Variants in ZC4H2 observed in about 807,000 individuals in gnomAD.
The protein encoded by ZC4H2 is zinc finger C4H2 domain-containing protein.
For missense variants in ZC4H2, 137 were observed against 173.9 expected, an observed-to-expected ratio of 0.79 and a Z score of 1.19; for synonymous variants, 84 against 66.3, an observed-to-expected ratio of 1.27 and a Z score of -1.30.
chrX:64,921,914 C>A lies in ZC4H2; in HGVS notation c.128G>T (p.Arg43Met). ...AEFEALESEE[R>M]HLKEYKQEMD... ...CTCCTGCTTGTATTCCTTCAGGTGC[C>A]TTTCCTCTGACTCAAGTGCCTCAAA... The change falls in exon 2 of 5, where the codon AGG becomes ATG. Residue 43 changes from arginine (R) to methionine (M), a missense_variant. By Grantham distance (91) the Arg-to-Met change is moderately conservative. Coordinates refer to ENST00000374839, the MANE Select transcript of ZC4H2 (RefSeq NM_018684.4). 8.3e-7 allele frequency: 1 copy of A among 1,211,044 alleles called. No homozygotes were observed. The highest frequency in any genetic ancestry group is 1.1e-6 in the Non-Finnish European group (1 of 895,424).
intron 1 of ZC4H2, among the ~76,000 whole-genome samples, chrX:64,926,193 G>A (rs1331051218): frequency 9.0e-6 from 1 of 111,222 alleles, no homozygotes; most frequent in African/African-American, 3.3e-5. Context: ...AGTCTACCCT[G>A]GGGTGAAGAC....
chrX:64,969,229 C>T (rs371189026), intron 1 of ZC4H2, among the ~76,000 whole-genome samples: 1 of 111,976 alleles, frequency 8.9e-6, no homozygotes, highest in South Asian at 3.7e-4. Flanking sequence ...ATAAAACATT[C>T]AGCTGGATAC....
intron 1 of ZC4H2, among the ~76,000 whole-genome samples, chrX:64,982,054 G>T (rs1932092904): frequency 9.0e-6 from 1 of 111,363 alleles, no homozygotes; most frequent in Non-Finnish European, 1.9e-5. Context: ...GGAAGTAGGG[G>T]AGTCCCATTT....
chrX:64,936,705 T>G (rs1198704115), intron 1 of ZC4H2, among the ~76,000 whole-genome samples: 1 of 111,359 alleles, frequency 9.0e-6, no homozygotes, highest in South Asian at 3.8e-4. Flanking sequence ...AAAAAATCCT[T>G]TACAGACAAG....
chrX:65,016,381 G>A (rs1009085456), intron 1 of ZC4H2, among the ~76,000 whole-genome samples: 4 of 111,702 alleles, frequency 3.6e-5, no homozygotes, highest in East Asian at 2.8e-4. Context: ...TGATTGGCCC[G>A]CCTGAAATAA....
At chrX:64,979,146 A>T (rs1418426826), upstream of ZC4H2, among the ~76,000 whole-genome samples, 1 of 112,062 alleles carries the variant, frequency 8.9e-6, no homozygotes, top group Non-Finnish European at 1.9e-5. Flanking sequence ...GACTTGTCTG[A>T]CATCACCCTA....
At chrX:64,951,133 A>C (rs1202522184) in intron 1 of ZC4H2, among the ~76,000 whole-genome samples, 2 of 112,041 alleles carry the variant, frequency 1.8e-5, no homozygotes, top group Non-Finnish European at 3.8e-5. Context: ...AAAGGAAATG[A>C]ACTCATCATT....
intron 1 of ZC4H2, among the ~76,000 whole-genome samples, chrX:65,027,778 G>A (rs1932894281): frequency 8.9e-6 from 1 of 111,868 alleles, no homozygotes; most frequent in Admixed American, 9.4e-5. Flanking sequence ...AGGGTTTCAT[G>A]TGTCCTTTAT....
chrX:64,982,556 G>A (rs1021015774), intron 1 of ZC4H2, among the ~76,000 whole-genome samples: 2 of 112,230 alleles, frequency 1.8e-5, no homozygotes, highest in African/African-American at 6.5e-5. Context: ...AATAGAAACA[G>A]GAGAGAAGCA....
chrX:64,974,630 C>T (rs753654873), intron 1 of ZC4H2, among the ~76,000 whole-genome samples: 1 of 111,634 alleles, frequency 9.0e-6, no homozygotes, highest in Admixed American at 9.5e-5. Context: ...CTGTTTGTTA[C>T]TGCTGTTTAG....
upstream of ZC4H2, among the ~76,000 whole-genome samples, chrX:64,979,515 G>A (rs1278435038): frequency 1.8e-5 from 2 of 112,508 alleles, no homozygotes; most frequent in African/African-American, 6.5e-5. Context: ...CTTGAGAACA[G>A]ATGTCTCACC....
At chrX:64,944,714 C>T (rs7058494) in intron 1 of ZC4H2, among the ~76,000 whole-genome samples, 9,212 of 111,237 alleles carry the variant, frequency 0.083, 1,028 homozygotes, top group African/African-American at 0.29. Context: ...TTTAGGTACA[C>T]CAGTCAATCA....
At chrX:64,926,909 A>G (rs1056797858) in intron 1 of ZC4H2, among the ~76,000 whole-genome samples, 1 of 111,701 alleles carries the variant, frequency 9.0e-6, no homozygotes, top group African/African-American at 3.3e-5. Context: ...TGGTACAGGT[A>G]GAGGCCTAGG....
intron 1 of ZC4H2, among the ~76,000 whole-genome samples, chrX:64,960,733 A>C (rs933433988): frequency 8.9e-6 from 1 of 112,332 alleles, no homozygotes; most frequent in Admixed American, 9.4e-5. Flanking sequence ...ACAAATAAGC[A>C]GGAAAAATAT....
intron 1 of ZC4H2, among the ~76,000 whole-genome samples, chrX:64,998,627 C>A (rs1932464854): frequency 9.0e-6 from 1 of 111,275 alleles, no homozygotes; most frequent in Admixed American, 9.5e-5. Flanking sequence ...CATGTTAGAT[C>A]TAGTTTGTTG....
At chrX:64,939,787 T>A (rs1930182597) in intron 1 of ZC4H2, among the ~76,000 whole-genome samples, 1 of 111,990 alleles carries the variant, frequency 8.9e-6, no homozygotes, top group African/African-American at 3.2e-5. Flanking sequence ...TTACTCAAGA[T>A]GGATGAAAGA....
chrX:65,004,267 A>C (rs1486388668), intron 1 of ZC4H2, among the ~76,000 whole-genome samples: 1 of 112,011 alleles, frequency 8.9e-6, no homozygotes, highest in Non-Finnish European at 1.9e-5. Context: ...AACCTGGCAC[A>C]GACATAAGAA....
chrX:64,924,570 A>G (rs1489693358), intron 1 of ZC4H2, among the ~76,000 whole-genome samples: 1 of 111,587 alleles, frequency 9.0e-6, no homozygotes, highest in Non-Finnish European at 1.9e-5. Flanking sequence ...GACCTAACAT[A>G]GTCTGAGGGA....
chrX:65,007,441 C>T (rs1932685596), intron 1 of ZC4H2, among the ~76,000 whole-genome samples: 1 of 112,462 alleles, frequency 8.9e-6, no homozygotes, highest in Non-Finnish European at 1.9e-5. Context: ...CTAAAGTCTT[C>T]ATGGGTAATT....
Sources: allele counts gnomAD v4.1 joint callset (sites outside exome capture counted in the v4.1 genomes callset), GRCh38; gene constraint gnomAD v4.1.1; transcripts MANE v1.5; gene names NCBI Gene and HGNC (gene_info 2026-07-23, HGNC 2026-07-21).